The following PARD3 variants were observed in gnomAD, a reference collection of about 807,000 sequenced individuals.
PARD3 encodes the protein partitioning defective 3 homolog.
In PARD3, 75 loss-of-function variants were observed where a neutral mutation model predicts 155.4. The ratio of observed to expected loss-of-function variants is 0.48; its 90% CI spans 0.40 to 0.58. PARD3 has a LOEUF of 0.58. Among genes scored for constraint, PARD3 ranks in the 20% least tolerant of loss-of-function variants. The pLI, the probability that PARD3 is intolerant of heterozygous loss-of-function variation, is 0.00. For synonymous variants in PARD3, 576 were observed against 610.5 expected, an observed-to-expected ratio of 0.94 and a Z score of 0.83; for missense variants, 1,642 against 1,721.7, an observed-to-expected ratio of 0.95 and a Z score of 0.82.
intron 2 of PARD3, among the ~76,000 whole-genome samples, chr10:34,615,705 C>G (rs1366269891): frequency 6.6e-6 from 1 of 151,960 alleles, no homozygotes; most frequent in Non-Finnish European, 1.5e-5. Flanking sequence ...ATTCATCCAC[C>G]AAGGGAGTAA....
At chr10:34,324,220 G>A (rs1482543471) in intron 19 of PARD3, among the ~76,000 whole-genome samples, 1 of 152,206 alleles carries the variant, frequency 6.6e-6, no homozygotes, top group Non-Finnish European at 1.5e-5. Flanking sequence ...GCTTTTGTGT[G>A]TGTGAGGAAT....
chr10:34,559,619 A>G (rs1674841958), intron 2 of PARD3, among the ~76,000 whole-genome samples: 1 of 152,214 alleles, frequency 6.6e-6, no homozygotes, highest in African/African-American at 2.4e-5. Flanking sequence ...TAACATCCCA[A>G]CACATCAAGA....
At chr10:34,199,952 T>C (rs1177941934) in intron 22 of PARD3, among the ~76,000 whole-genome samples, 1 of 152,186 alleles carries the variant, frequency 6.6e-6, no homozygotes, top group Non-Finnish European at 1.5e-5. Flanking sequence ...GGATATTGTG[T>C]TATTATCCTG....
rs61735563 is a variant in PARD3, at chr10:34,341,770, A to T, written c.2265T>A (p.Thr755=). 765 of 1,613,598 alleles carry T rather than the reference A, an allele frequency of 4.7e-4. 3 individuals carry two copies. The African/African-American group carries it at 9.5e-3, about 20-fold the overall frequency. The change falls in exon 16 of 25, where the codon ACT becomes ACA. Residue 755 remains threonine, a synonymous_variant. Transcript: ENST00000374788. Reference sequence around the variant, plus strand: ...GCAACCTGTCATCTTCTATAATGACAGTGTCATCTTGGGGCATATTCACTG... The same window carrying T: ...GCAACCTGTCATCTTCTATAATGACTGTGTCATCTTGGGGCATATTCACTG... ...SPTVNMPQDD[T]VIIEDDRLPV... is the part of the protein sequence containing the mutation.
chr10:34,776,295 A>G (rs1839515304), intron 1 of PARD3, among the ~76,000 whole-genome samples: 1 of 152,244 alleles, frequency 6.6e-6, no homozygotes, highest in African/African-American at 2.4e-5. Context: ...CAAGTCCAAG[A>G]AAAATATACC....
chr10:34,362,315 T>C (rs758526946), intron 12 of PARD3, among the ~76,000 whole-genome samples: 1 of 151,832 alleles, frequency 6.6e-6, no homozygotes, highest in Non-Finnish European at 1.5e-5. Context: ...AAAAATAAAA[T>C]AAAATAAAAT....
intron 20 of PARD3, among the ~76,000 whole-genome samples, chr10:34,313,658 G>C (rs1396001900): frequency 6.6e-6 from 1 of 152,108 alleles, no homozygotes; most frequent in East Asian, 1.9e-4. Flanking sequence ...TCCTCTGGTA[G>C]AGTTTTTAAA....
At chr10:34,159,417 G>A (rs1251629606) in intron 22 of PARD3, among the ~76,000 whole-genome samples, 2 of 152,162 alleles carry the variant, frequency 1.3e-5, no homozygotes, top group Non-Finnish European at 2.9e-5. Context: ...CTTTCACTCT[G>A]CCTTAGGATA....
intron 1 of PARD3, among the ~76,000 whole-genome samples, chr10:34,717,681 T>G (rs2094541168): frequency 1.3e-5 from 2 of 152,192 alleles, no homozygotes; most frequent in African/African-American, 4.8e-5. Context: ...TGGCTACTAC[T>G]GACTGGACAC....
intron 2 of PARD3, among the ~76,000 whole-genome samples, chr10:34,575,286 T>A (rs2086792540): frequency 1.3e-5 from 2 of 152,210 alleles, no homozygotes; most frequent in African/African-American, 4.8e-5. Flanking sequence ...TTATTCATAA[T>A]TAAGACCAGT....
intron 4 of PARD3, among the ~76,000 whole-genome samples, chr10:34,467,641 G>A (rs1389515331): frequency 2.6e-5 from 4 of 151,412 alleles, no homozygotes; most frequent in Non-Finnish European, 5.9e-5. Context: ...CAGCTACTTG[G>A]GAGGCTGAGG....
intron 5 of PARD3, among the ~76,000 whole-genome samples, chr10:34,413,200 A>G (rs1010214910): frequency 2.7e-5 from 4 of 148,950 alleles, no homozygotes; most frequent in Admixed American, 6.6e-5. Context: ...AGACTTTGTA[A>G]CTGATAAGAA....
chr10:34,733,777 G>A lies in PARD3; in HGVS notation c.121-37358C>T, dbSNP rs116362034. Among the ~76,000 whole-genome samples the A allele has an allele frequency of 5.3e-3, 813 of 152,312 alleles. 8 individuals carry two copies. The highest frequency in any genetic ancestry group is 0.018 in the African/African-American group (733 of 41,566). On this transcript the variant is annotated intron_variant, in intron 1 of 24. Transcript: ENST00000374788. ...GGCCTCCCAAAGTGCTGGGATTATGGGCGTGAGCCACCGCACCCTGCCATG... is the reference window on the plus strand; with the variant it reads ...GGCCTCCCAAAGTGCTGGGATTATGAGCGTGAGCCACCGCACCCTGCCATG...
intron 22 of PARD3, among the ~76,000 whole-genome samples, chr10:34,239,802 C>CA (rs200115114): frequency 0.15 from 18,593 of 120,126 alleles, 1,541 homozygotes; most frequent in East Asian, 0.41. Context: ...CACTCCATCT[C>CA]AAAAAAAAAA....
At chr10:34,467,712 C>CTCCA in intron 4 of PARD3, among the ~76,000 whole-genome samples, 1 of 152,198 alleles carries the variant, frequency 6.6e-6, no homozygotes, top group African/African-American at 2.4e-5. Flanking sequence ...CACCACTGCA[C>CTCCA]TCCAGCCTGG....
intron 2 of PARD3, among the ~76,000 whole-genome samples, chr10:34,534,831 C>A (rs1201603203): frequency 2.6e-5 from 4 of 152,050 alleles, no homozygotes; most frequent in Non-Finnish European, 5.9e-5. Context: ...GCCAACATGG[C>A]AAAACCATGT....
intron 12 of PARD3, among the ~76,000 whole-genome samples, chr10:34,368,839 T>C (rs1189102622): frequency 9.2e-6 from 1 of 108,618 alleles, no homozygotes; most frequent in Non-Finnish European, 1.8e-5. Flanking sequence ...ATGAGCAATG[T>C]AAAAAAAAAA....
intron 3 of PARD3, among the ~76,000 whole-genome samples, chr10:34,484,954 T>G (rs772152363): frequency 2.0e-5 from 3 of 152,180 alleles, no homozygotes; most frequent in Non-Finnish European, 4.4e-5. Flanking sequence ...TTCCTCCTCA[T>G]TGGCAACCCA....
At chr10:34,344,962 GAAGGCTGCTTTCAAAGATTT>G (rs1368872072) in intron 15 of PARD3, 1 of 985,276 alleles carries the variant, frequency 1.0e-6, no homozygotes, top group African/African-American at 1.7e-5. Flanking sequence ...TATGTGGTTT[GAAGGCTGCTTTCAAAGATTT>G]AACGTCTTTG....
Sources: allele counts gnomAD v4.1 joint callset (sites outside exome capture counted in the v4.1 genomes callset), GRCh38; gene constraint gnomAD v4.1.1; transcripts MANE v1.5; gene names NCBI Gene and HGNC (gene_info 2026-07-23, HGNC 2026-07-21).